The following HOMER1 variants were observed in gnomAD, a reference collection of about 807,000 sequenced individuals.
HOMER1 encodes homer scaffold protein 1.
In HOMER1, 3 loss-of-function variants were observed where a neutral mutation model predicts 48.9. The observed-to-expected ratio is 0.06, with a 90% CI of 0.03 to 0.16. HOMER1 has a LOEUF of 0.16. Among genes scored for constraint, HOMER1 ranks in the 10% least tolerant of loss-of-function variants. The pLI, the probability that HOMER1 is intolerant of heterozygous loss-of-function variation, is 1.00. For synonymous variants in HOMER1, 134 were observed against 146.4 expected (o/e 0.92, Z 0.61); for missense variants, 247 against 411.4 (o/e 0.60, Z 3.46).
At chr5:79,405,319 G>C (rs1382758477) in intron 5 of HOMER1, among the ~76,000 whole-genome samples, 2 of 152,106 alleles carry the variant, frequency 1.3e-5, no homozygotes, top group Non-Finnish European at 2.9e-5. Context: ...CTAGCCTCCA[G>C]AACTATGAGA....
chr5:79,494,823 C>T (rs994645046), intron 1 of HOMER1, among the ~76,000 whole-genome samples: 21 of 152,228 alleles, frequency 1.4e-4, no homozygotes, highest in African/African-American at 4.8e-4. Flanking sequence ...GAGGCAAGAT[C>T]GTGCCATTGC....
At chr5:79,420,386 C>T (rs189351940) in intron 5 of HOMER1, among the ~76,000 whole-genome samples, 73 of 152,210 alleles carry the variant, frequency 4.8e-4, no homozygotes, top group African/African-American at 9.6e-4. Context: ...CTGCCAGAAG[C>T]GCTCCTTCCC....
chr5:79,475,721 T>G (rs1751758256), intron 1 of HOMER1, among the ~76,000 whole-genome samples: 1 of 152,152 alleles, frequency 6.6e-6, no homozygotes. Flanking sequence ...TTATTTTCCC[T>G]TGCAGAAGGA....
intron 5 of HOMER1, among the ~76,000 whole-genome samples, chr5:79,416,442 T>C (rs1365713172): frequency 2.0e-5 from 3 of 152,202 alleles, no homozygotes; most frequent in Non-Finnish European, 2.9e-5. Context: ...AGTTTCCCAT[T>C]TGATTTGAGA....
intron 1 of HOMER1, among the ~76,000 whole-genome samples, chr5:79,474,936 A>G (rs987658127): frequency 1.3e-5 from 2 of 152,264 alleles, no homozygotes; most frequent in African/African-American, 2.4e-5. Context: ...TTGAGCACAC[A>G]AATTACAAAT....
intron 1 of HOMER1, among the ~76,000 whole-genome samples, chr5:79,511,957 T>A (rs1211577956): frequency 6.6e-6 from 1 of 152,208 alleles, no homozygotes; most frequent in Non-Finnish European, 1.5e-5. Flanking sequence ...ATCAGATTGC[T>A]CCATTAATAT....
rs1240349811 is a variant in HOMER1 at position 79,439,061 on chromosome 5, T to G, written c.476A>C (p.Asn159Thr). 6.2e-7 allele frequency: 1 copy of G among 1,613,836 alleles called. No homozygotes were observed. Among genetic ancestry groups the G allele is most frequent in the Admixed American group, 1.7e-5 (1 of 59,996 alleles). ...AGTTGGTTCAGCCCTTGGCTCTGAGTTCTGTGTCACATCAGGTGTTCTTTC... is the reference window on the plus strand; with the variant it reads ...AGTTGGTTCAGCCCTTGGCTCTGAGGTCTGTGTCACATCAGGTGTTCTTTC... ...DDERTPDVTQ[N>T]SEPRAEPTQN... Residue 159 changes from asparagine (N) to threonine (T), a missense_variant, in exon 5 of 9, where the codon AAC (asparagine) becomes ACC (threonine). By Grantham distance (65) the Asn-to-Thr change is moderately conservative. This residue lies in a region of HOMER1 where 94 missense variants were observed against 112.4 expected (regional missense o/e 0.84). Coordinates refer to ENST00000334082, the MANE Select transcript of HOMER1 (RefSeq NM_004272.5).
chr5:79,389,749 T>C (rs1749200691), intron 8 of HOMER1, among the ~76,000 whole-genome samples: 1 of 152,166 alleles, frequency 6.6e-6, no homozygotes, highest in Admixed American at 6.6e-5. Flanking sequence ...CTTTATAAAT[T>C]ACCCAGATTG....
At position 79,419,100 on chromosome 5, in the gene HOMER1, TAGAA is replaced by T. The variant is rs1439687538; in HGVS notation, c.528-17049_528-17046del. The stretch of plus-strand genomic sequence containing the variant: ...TACAAATATGGATGGACAAATAAAA[TAGAA>T]AGGATGTCTATATTTTTTTTTAAGG... On this transcript the variant is annotated intron_variant, in intron 5 of 8. Transcript: ENST00000334082. Among the ~76,000 whole-genome samples, 3 of 152,108 alleles carry T rather than the reference TAGAA, an allele frequency of 2.0e-5. No homozygotes were observed. In the East Asian group the frequency reaches 5.8e-4, roughly 29 times the overall value.
chr5:79,376,243 T>C (rs376218928), intron 8 of HOMER1, 46 bp from the exon 9 acceptor site: 3 of 1,366,374 alleles, frequency 2.2e-6, no homozygotes, highest in Non-Finnish European at 3.1e-6. Context: ...ATTCATCACT[T>C]AGAAAACAAT....
At chr5:79,388,910 T>C (rs2112202064) in intron 8 of HOMER1, among the ~76,000 whole-genome samples, 1 of 152,148 alleles carries the variant, frequency 6.6e-6, no homozygotes, top group Non-Finnish European at 1.5e-5. Flanking sequence ...AGAACTAGTA[T>C]TTAAAACTTT....
At chr5:79,512,517 T>C (rs1177200196) in intron 1 of HOMER1, among the ~76,000 whole-genome samples, 1 of 152,214 alleles carries the variant, frequency 6.6e-6, no homozygotes, top group Non-Finnish European at 1.5e-5. Flanking sequence ...GAATGCGTTG[T>C]CTTTGTAAAC....
At chr5:79,428,618 C>T (rs575276436) in intron 5 of HOMER1, among the ~76,000 whole-genome samples, 1 of 152,164 alleles carries the variant, frequency 6.6e-6, no homozygotes, top group East Asian at 1.9e-4. Flanking sequence ...CACTACACAA[C>T]AATCATCCTT....
chr5:79,383,596 G>T (rs1480482459), intron 8 of HOMER1, among the ~76,000 whole-genome samples: 15 of 152,016 alleles, frequency 9.9e-5, no homozygotes, highest in Admixed American at 9.8e-4. Flanking sequence ...ATGTTGGCCA[G>T]GCTGGTCTCG....
chr5:79,500,959 GACAGACACACACACACACACAC>G (rs1752565786), intron 1 of HOMER1, among the ~76,000 whole-genome samples: 2 of 129,950 alleles, frequency 1.5e-5, no homozygotes, highest in South Asian at 4.7e-4. Context: ...GTGTGAGACA[GACAGACACACACACACACACAC>G]ACACACACAC....
rs140189642 is a variant in HOMER1, at chr5:79,500,963, GACACACACAC to G, written c.5+11797_5+11806del. On this transcript the variant is annotated intron_variant, in intron 1 of 8. Coordinates refer to ENST00000334082, the MANE Select transcript of HOMER1 (RefSeq NM_004272.5). ...TGTGTGTGTGTGTGTGAGACAGACA[GACACACACAC>G]ACACACACACACACACACACAAGGT... is the stretch of plus-strand genomic sequence containing the variant. 0.026 allele frequency among the ~76,000 whole-genome samples: 2,672 copies of G among 101,662 alleles called. 110 individuals carry two copies. In the East Asian group the frequency reaches 0.28, roughly 11 times the overall value. 66.7% of individuals were successfully genotyped at this position (101,662 alleles called of 152,430 possible).
intron 1 of HOMER1, among the ~76,000 whole-genome samples, chr5:79,478,330 C>T (rs1751842874): frequency 6.6e-6 from 1 of 152,150 alleles, no homozygotes; most frequent in African/African-American, 2.4e-5. Context: ...CATGCCAAAA[C>T]TTAAATTGGC....
chr5:79,480,901 TA>T (rs926606204), intron 1 of HOMER1, among the ~76,000 whole-genome samples: 1 of 152,178 alleles, frequency 6.6e-6, no homozygotes, highest in Non-Finnish European at 1.5e-5. Context: ...GGCAGACTAC[TA>T]AATAATCAAC....
chr5:79,494,720 T>A (rs565155507), intron 1 of HOMER1, among the ~76,000 whole-genome samples: 1 of 152,272 alleles, frequency 6.6e-6, no homozygotes, highest in African/African-American at 2.4e-5. Context: ...AATACAAAAA[T>A]TAGCCGGGCA....
Sources: allele counts gnomAD v4.1 joint callset (sites outside exome capture counted in the v4.1 genomes callset), GRCh38; gene constraint gnomAD v4.1.1; regional missense constraint gnomAD v4.1.1; transcripts MANE v1.5; gene names NCBI Gene and HGNC (gene_info 2026-07-23, HGNC 2026-07-21).